Variants in RBM43 observed in about 807,000 individuals in gnomAD.
RBM43 encodes the protein RNA-binding protein 43.
RBM43 carries 12 observed loss-of-function variants against 12.4 expected under a neutral mutation model. The ratio of observed to expected loss-of-function variants is 0.97; its 90% CI spans 0.62 to 1.57. The LOEUF is 1.57. RBM43 is among the 40% of genes most tolerant of loss of function. The probability of loss-of-function intolerance (pLI) is 0.00; values close to 1 mark genes in which losing one functional copy is unlikely to be tolerated. For missense variants in RBM43, 348 were observed against 400.1 expected, an observed-to-expected ratio of 0.87 and a Z score of 1.11; for synonymous variants, 138 against 145.7, an observed-to-expected ratio of 0.95 and a Z score of 0.38.
At chr2:151,252,614 T>C (rs1366065671) in intron 3 of RBM43, 141 bp downstream of exon 3, 2 of 533,698 alleles carry the variant, frequency 3.7e-6, no homozygotes, top group African/African-American at 1.9e-5. Flanking sequence ...AGGGTTGGCC[T>C]TTAACACTGA....
chr2:151,251,637 C>G lies in RBM43; in HGVS notation c.343G>C (p.Asp115His). ...ACTTCTTTTCCAAAAACAGAAAGAT[C>G]AAGGATGGCATTTACAGAGCTGAAG... ...KIFSSVNAIL[D>H]LSVFGKEVTL... Residue 115 changes from aspartate to histidine, a missense_variant, in exon 4 of 4, where the codon GAT becomes CAT. Physicochemically the swap from Asp to His is moderately conservative, Grantham distance 81. Transcript: ENST00000331426. 5.0e-6 allele frequency: 8 copies of G among 1,612,252 alleles called. No individual in the cohort carries two copies. Among genetic ancestry groups the G allele is most frequent in the Non-Finnish European group, 6.8e-6 (8 of 1,179,568 alleles).
intron 2 of RBM43, among the ~76,000 whole-genome samples, chr2:151,253,921 T>C (rs184875071): frequency 1.1e-4 from 17 of 152,262 alleles, no homozygotes; most frequent in African/African-American, 4.1e-4. Context: ...CCCACTTATC[T>C]GTATGAATTA....
At chr2:151,254,121 C>T (rs1246585598) in intron 2 of RBM43, among the ~76,000 whole-genome samples, 2 of 151,932 alleles carry the variant, frequency 1.3e-5, no homozygotes, top group East Asian at 3.9e-4. Flanking sequence ...ATAAATAAAG[C>T]ACCAAACATA....
rs1682847856 is a variant in RBM43 at position 151,248,439 on chromosome 2, G to C, written c.*2467C>G. ...ATGTTAGAATAGCTGTTTAGAGAAG[G>C]ATAAAGAGGGGATACTGTAAGAAGG... On this transcript the variant is annotated 3_prime_UTR_variant, in exon 4 of 4. Coordinates refer to ENST00000331426, the MANE Select transcript of RBM43 (RefSeq NM_198557.3). 1.3e-5 allele frequency: 2 copies of C among 152,150 alleles called. No homozygotes were observed. Among genetic ancestry groups the C allele is most frequent in the South Asian group, 2.1e-4 (1 of 4,826 alleles). The allele number at this position is 152,150 out of a possible 1,614,324, so 9.4% of individuals were successfully genotyped here.
chr2:151,259,863 T>TTTTGTTTG (rs147960970), intron 1 of RBM43, among the ~76,000 whole-genome samples: 1 of 151,664 alleles, frequency 6.6e-6, no homozygotes. Flanking sequence ...TTTTCTTGTT[T>TTTTGTTTG]TTTGTTTGTT....
In RBM43 at chr2:151,251,296, A is replaced by G; in HGVS notation, c.684T>C (p.Leu228=). 2 of 1,614,020 alleles carry G rather than the reference A, an allele frequency of 1.2e-6. No homozygotes were observed. The highest frequency in any genetic ancestry group is 1.7e-6 in the Non-Finnish European group (2 of 1,180,012). The change falls in exon 4 of 4, where the codon CTT becomes CTC. Residue 228 remains leucine, a synonymous_variant. Transcript: ENST00000331426. ...EMLVLDTDVF[L]YLKHKCGSYE... ...AAGATCCACACTTGTGTTTCAGGTA[A>G]AGAAAAACATCTGTGTCAAGCACAA...
chr2:151,250,865 C>A lies in RBM43; in HGVS notation c.*41G>T. On this transcript the variant is annotated 3_prime_UTR_variant, in exon 4 of 4. Transcript: ENST00000331426. Reference sequence around the variant, plus strand: ...ATTCATGGCAATGGTCACTGCTCAGCAAGAGAAAGCAGCCCTTATGACTAT... The same window carrying A: ...ATTCATGGCAATGGTCACTGCTCAGAAAGAGAAAGCAGCCCTTATGACTAT... 6.8e-7 allele frequency: 1 copy of A among 1,465,478 alleles called. No homozygotes were observed. Among genetic ancestry groups the A allele is most frequent in the African/African-American group, 1.4e-5 (1 of 70,958 alleles). The allele number at this position is 1,465,478 out of a possible 1,614,324, so 90.8% of individuals were successfully genotyped here.
At position 151,251,217 on chromosome 2, in the gene RBM43, C is replaced by T; in HGVS notation, c.763G>A (p.Glu255Lys). The change falls in exon 4 of 4, where the codon GAA (glutamate) becomes AAA (lysine). Residue 255 changes from glutamate (E) to lysine (K), a missense_variant. Physicochemically the swap from Glu to Lys is moderately conservative, Grantham distance 56. Coordinates refer to ENST00000331426, the MANE Select transcript of RBM43 (RefSeq NM_198557.3). Reference protein sequence around the residue: ...HILSQEKVDGEITTICLKSIQ... With the variant: ...HILSQEKVDGKITTICLKSIQ... ...CTTTTTAGACAAATTGTGGTGATTT[C>T]ACCATCCACTTTCTCCTGACTCAGA... 6.2e-7 allele frequency: 1 copy of T among 1,613,852 alleles called. No homozygotes were observed. Among genetic ancestry groups the T allele is most frequent in the Non-Finnish European group, 8.5e-7 (1 of 1,180,006 alleles).
chr2:151,260,112 C>T (rs1478137027), intron 1 of RBM43, among the ~76,000 whole-genome samples: 1 of 151,720 alleles, frequency 6.6e-6, no homozygotes, highest in African/African-American at 2.4e-5. Flanking sequence ...GATCCGCTCC[C>T]CCCTCGGCCT....
intron 1 of RBM43, chr2:151,261,301 T>C (rs1683042533): frequency 6.4e-7 from 1 of 1,550,522 alleles, no homozygotes; most frequent in Non-Finnish European, 8.7e-7. Context: ...GACCTCCATT[T>C]CTGGCTAATC....
chr2:151,255,495 A>T (rs1178781241), intron 2 of RBM43, 38 bp downstream of exon 2: 1 of 1,270,006 alleles, frequency 7.9e-7, no homozygotes, highest in Non-Finnish European at 1.1e-6. Flanking sequence ...TTATTGAAGA[A>T]GTATTTCTAA....
intron 1 of RBM43, among the ~76,000 whole-genome samples, chr2:151,257,353 G>C (rs1249285788): frequency 1.3e-5 from 2 of 151,808 alleles, no homozygotes; most frequent in African/African-American, 2.4e-5. Context: ...CACACACACA[G>C]TGTCCTGTCC....
intron 3 of RBM43, 126 bp downstream of exon 3, chr2:151,252,629 G>A (rs1434742820): frequency 3.1e-5 from 18 of 577,406 alleles, no homozygotes; most frequent in Non-Finnish European, 5.0e-5. Flanking sequence ...CACTGACTCA[G>A]GGAGTTTGCA....
At position 151,256,444 on chromosome 2, in the gene RBM43, T is replaced by C. The variant is rs10179951; in HGVS notation, c.4-701A>G. On this transcript the variant is annotated intron_variant, in intron 1 of 3. Coordinates refer to ENST00000331426, the MANE Select transcript of RBM43 (RefSeq NM_198557.3). ...GAGGTGGCTGTATGTTTTCTTTACATTGTAGAGTCTAAAGTATGTAAGACA... is the reference window on the plus strand; with the variant it reads ...GAGGTGGCTGTATGTTTTCTTTACACTGTAGAGTCTAAAGTATGTAAGACA... 3.6e-3 allele frequency among the ~76,000 whole-genome samples: 553 copies of C among 152,304 alleles called. 4 individuals are homozygous for C. The highest frequency in any genetic ancestry group is 0.013 in the African/African-American group (531 of 41,564).
Position 151,248,280 on chromosome 2 carries a change from C to T in RBM43, c.*2626G>A, listed in dbSNP as rs565201235. On this transcript the variant is annotated 3_prime_UTR_variant, in exon 4 of 4. Transcript: ENST00000331426. ...TTCTTTGTCATTGAAGATAAAAATG[C>T]TGCTATTCTTTTTTGTATAGGGAGG... The T allele has an allele frequency of 5.9e-5, 9 of 152,066 alleles. No homozygotes were observed. In the South Asian group the frequency reaches 1.5e-3, roughly 25 times the overall value. The allele number at this position is 152,066 out of a possible 1,614,324, so 9.4% of individuals were successfully genotyped here. A position where few individuals can be genotyped will look rare whatever the true frequency, so the allele number is the denominator to read the frequency against.
chr2:151,252,823 A>C lies in RBM43; in HGVS notation c.247T>G (p.Trp83Gly), dbSNP rs755714677. Reference protein sequence around the residue: ...AENVIRQKKHWLARKTRHAEL... With the variant: ...AENVIRQKKHGLARKTRHAEL... The stretch of plus-strand genomic sequence containing the variant: ...GCATGTCTAGTCTTCCTTGCTAGCC[A>C]GTGTTTCTTTTGTCTGATGACATTC... Residue 83 changes from tryptophan (W) to glycine (G), a missense_variant, in exon 3 of 4, where the codon TGG (tryptophan) becomes GGG (glycine). Transcript: ENST00000331426. The C allele has an allele frequency of 6.2e-7, 1 of 1,610,884 alleles. No individual in the cohort carries two copies. Among genetic ancestry groups the C allele is most frequent in the Admixed American group, 1.7e-5 (1 of 59,998 alleles).
chr2:151,250,759 G>T lies in RBM43; in HGVS notation c.*147C>A. 1 of 582,184 alleles carries T rather than the reference G, an allele frequency of 1.7e-6. No homozygotes were observed. The highest frequency in any genetic ancestry group is 2.9e-6 in the Non-Finnish European group (1 of 341,606). 36.1% of individuals were successfully genotyped at this position (582,184 alleles called of 1,614,324 possible). A position where few individuals can be genotyped will look rare whatever the true frequency, so the allele number is the denominator to read the frequency against. ...ACTTCTCCAAATCCTAGTTTCTTCC[G>T]CTGTAACATGAGGATAGTCAACACT... On this transcript the variant is annotated 3_prime_UTR_variant, in exon 4 of 4. Transcript: ENST00000331426.
chr2:151,260,266 C>T (rs748115943), intron 1 of RBM43, among the ~76,000 whole-genome samples: 2 of 151,954 alleles, frequency 1.3e-5, no homozygotes, highest in African/African-American at 2.4e-5. Flanking sequence ...GCTGAGACTA[C>T]AGGTGGATGC....
In RBM43 at chr2:151,250,985, ATG is replaced by A. The variant is rs760745523; in HGVS notation, c.993_994del (p.Ile332Ter). On this transcript the variant is annotated frameshift_variant, in exon 4 of 4. Coordinates refer to ENST00000331426, the MANE Select transcript of RBM43 (RefSeq NM_198557.3). LOFTEE classifies it low-confidence loss of function (END_TRUNC). ...GTCAGAAGAAGATCCTATAATGTCA[ATG>A]TGTGTCCTATAAAGGTTAATCAGGA... 6.2e-7 allele frequency: 1 copy of A among 1,612,862 alleles called. No homozygotes were observed. The highest frequency in any genetic ancestry group is 8.5e-7 in the Non-Finnish European group (1 of 1,178,970).
Sources: allele counts gnomAD v4.1 joint callset (sites outside exome capture counted in the v4.1 genomes callset), GRCh38; gene constraint gnomAD v4.1.1; transcripts MANE v1.5; gene names NCBI Gene and HGNC (gene_info 2026-07-23, HGNC 2026-07-21).